FGGY: variants seen among roughly 807,000 people sequenced by gnomAD.
FGGY encodes FGGY carbohydrate kinase domain-containing protein.
FGGY carries 72 observed loss-of-function variants against 71.3 expected under a neutral mutation model. The observed-to-expected ratio is 1.01, with a 90% CI of 0.84 to 1.23. FGGY has a LOEUF of 1.23. Among genes scored for constraint, FGGY ranks in the 50% most tolerant of loss-of-function variants. The pLI is 0.00. For synonymous variants in FGGY, 251 were observed against 250.3 expected, an observed-to-expected ratio of 1.00 and a Z score of -0.02; for missense variants, 668 against 682.3, an observed-to-expected ratio of 0.98 and a Z score of 0.23.
At chr1:59,653,037 T>C (rs1217890913) in intron 11 of FGGY, among the ~76,000 whole-genome samples, 3 of 152,276 alleles carry the variant, frequency 2.0e-5, no homozygotes, top group South Asian at 2.1e-4. Context: ...GTGCTCCTGC[T>C]GGGGGGTGCC....
chr1:59,628,988 G>A (rs926012627), intron 10 of FGGY, among the ~76,000 whole-genome samples: 4 of 152,090 alleles, frequency 2.6e-5, no homozygotes, highest in African/African-American at 9.7e-5. Context: ...TAAGAGTCAG[G>A]CTGTAATAGG....
intron 5 of FGGY, among the ~76,000 whole-genome samples, chr1:59,409,118 C>G (rs913040466): frequency 1.3e-5 from 2 of 152,068 alleles, no homozygotes; most frequent in Admixed American, 6.6e-5. Flanking sequence ...ACATTTATAT[C>G]TATGCTTTAG....
chr1:59,741,533 T>C (rs757315871), intron 14 of FGGY, among the ~76,000 whole-genome samples: 1 of 152,162 alleles, frequency 6.6e-6, no homozygotes, highest in Non-Finnish European at 1.5e-5. Flanking sequence ...AATTACCCAG[T>C]CTCAGGTATT....
intron 4 of FGGY, among the ~76,000 whole-genome samples, chr1:59,348,913 A>G (rs1456673071): frequency 6.6e-6 from 1 of 152,162 alleles, no homozygotes; most frequent in Non-Finnish European, 1.5e-5. Context: ...GCTTTGGTCA[A>G]AGCACTTCTT....
chr1:59,612,117 C>A (rs1219968153), intron 9 of FGGY, among the ~76,000 whole-genome samples: 1 of 152,132 alleles, frequency 6.6e-6, no homozygotes. Flanking sequence ...CTAGGCAGAC[C>A]AACATTCAGA....
intron 6 of FGGY, among the ~76,000 whole-genome samples, chr1:59,465,149 A>T (rs554639494): frequency 7.9e-5 from 12 of 152,360 alleles, no homozygotes; most frequent in African/African-American, 2.9e-4. Context: ...CAGCACATCA[A>T]AAAGTTTGTC....
chr1:59,594,253 C>G (rs562488014), intron 8 of FGGY, among the ~76,000 whole-genome samples: 1 of 152,294 alleles, frequency 6.6e-6, no homozygotes, highest in African/African-American at 2.4e-5. Flanking sequence ...AGTCTGGACT[C>G]TGAACTCAGA....
At chr1:59,479,997 A>G (rs537830847) in intron 6 of FGGY, among the ~76,000 whole-genome samples, 134 of 152,272 alleles carry the variant, frequency 8.8e-4, no homozygotes, top group African/African-American at 3.0e-3. Flanking sequence ...TAGGCTCCAA[A>G]TACGTCTATA....
intron 11 of FGGY, among the ~76,000 whole-genome samples, chr1:59,654,930 A>G (rs768991990): frequency 4.6e-5 from 7 of 152,172 alleles, no homozygotes; most frequent in Non-Finnish European, 1.0e-4. Flanking sequence ...GTGTAGGTTG[A>G]TAAGTACTAA....
chr1:59,517,035 G>A (rs2094674451), intron 7 of FGGY, among the ~76,000 whole-genome samples: 1 of 152,152 alleles, frequency 6.6e-6, no homozygotes, highest in Non-Finnish European at 1.5e-5. Flanking sequence ...TTAAGGTGCT[G>A]GTTAGTAAGT....
At chr1:59,406,043 G>A (rs1408409857) in intron 5 of FGGY, among the ~76,000 whole-genome samples, 2 of 151,426 alleles carry the variant, frequency 1.3e-5, no homozygotes, top group South Asian at 2.1e-4. Flanking sequence ...GAAACAAAAA[G>A]CATTCTATCT....
At chr1:59,390,826 G>C (rs2060604231) in intron 5 of FGGY, among the ~76,000 whole-genome samples, 1 of 152,108 alleles carries the variant, frequency 6.6e-6, no homozygotes, top group East Asian at 1.9e-4. Flanking sequence ...GGAGAAGGTG[G>C]TGATCATGAG....
intron 14 of FGGY, among the ~76,000 whole-genome samples, chr1:59,731,493 G>A (rs2098028543): frequency 6.6e-6 from 1 of 152,142 alleles, no homozygotes; most frequent in African/African-American, 2.4e-5. Flanking sequence ...TTCTGAAGGA[G>A]CCCAGATTTT....
intron 5 of FGGY, 115 bp from the exon 6 acceptor site, chr1:59,456,846 T>G (rs986515177): frequency 1.6e-6 from 1 of 643,934 alleles, no homozygotes; most frequent in Non-Finnish European, 2.8e-6. Flanking sequence ...TTATCTACAC[T>G]GGCTTATTCC....
At chr1:59,634,375 C>A (rs1298671101) in intron 10 of FGGY, among the ~76,000 whole-genome samples, 1 of 152,030 alleles carries the variant, frequency 6.6e-6, no homozygotes, top group Non-Finnish European at 1.5e-5. Context: ...CCACTGCACT[C>A]CAGCCTAGTG....
chr1:59,681,218 A>G (rs1176787164), intron 14 of FGGY, among the ~76,000 whole-genome samples: 1 of 152,240 alleles, frequency 6.6e-6, no homozygotes, highest in Non-Finnish European at 1.5e-5. Flanking sequence ...ATGAAGTACA[A>G]TAGATTAAGG....
intron 2 of FGGY, among the ~76,000 whole-genome samples, chr1:59,338,542 A>T (rs1174437145): frequency 1.3e-5 from 2 of 152,110 alleles, no homozygotes; most frequent in Non-Finnish European, 2.9e-5. Context: ...AATTTTTCAC[A>T]TGGCTTTGGC....
At chr1:59,477,300 G>C (rs2093306578) in intron 6 of FGGY, among the ~76,000 whole-genome samples, 2 of 152,128 alleles carry the variant, frequency 1.3e-5, no homozygotes, top group South Asian at 4.2e-4. Context: ...CTCTGGTTCT[G>C]TGGAGTTTTG....
At chr1:59,373,086 T>A (rs1468340582) in intron 4 of FGGY, among the ~76,000 whole-genome samples, 2 of 152,028 alleles carry the variant, frequency 1.3e-5, no homozygotes, top group African/African-American at 2.4e-5. Context: ...AAGGAAAGAA[T>A]GGGTATTCAA....
Sources: gnomAD v4.1 joint callset for allele counts (sites outside exome capture counted in the v4.1 genomes callset) on GRCh38, gnomAD v4.1.1 for gene constraint, MANE v1.5 for transcripts, NCBI Gene and HGNC (gene_info 2026-07-23, HGNC 2026-07-21) for gene names.